Variants in NRG1 observed in about 807,000 individuals in gnomAD.
NRG1 encodes the protein pro-neuregulin-1, membrane-bound isoform.
NRG1 carries 18 observed loss-of-function variants against 63.8 expected under a neutral mutation model. The ratio of observed to expected loss-of-function variants is 0.28; its 90% CI spans 0.19 to 0.42. The LOEUF (loss-of-function observed/expected upper bound fraction) is 0.42. NRG1 is among the 10% of genes least tolerant of loss of function. NRG1 has a pLI of 1.00. For synonymous variants in NRG1, 302 were observed against 301.3 expected, an observed-to-expected ratio of 1.00 and a Z score of -0.02; for missense variants, 762 against 814.7, an observed-to-expected ratio of 0.94 and a Z score of 0.79.
chr8:32,684,033 A>G (rs771907917), intron 5 of NRG1, among the ~76,000 whole-genome samples: 3 of 152,128 alleles, frequency 2.0e-5, no homozygotes, highest in Admixed American at 6.6e-5. Flanking sequence ...CACCGCTACT[A>G]TAAATACAAA....
chr8:32,727,885 T>C, intron 5 of NRG1, 64 bp from the exon 6 acceptor site: 1 of 1,523,852 alleles, frequency 6.6e-7, no homozygotes, highest in Non-Finnish European at 9.0e-7. Context: ...AATTTAAGAT[T>C]AAAGGCTGCT....
intron 1 of NRG1, among the ~76,000 whole-genome samples, chr8:32,193,147 A>T (rs1181195617): frequency 6.6e-6 from 1 of 152,164 alleles, no homozygotes; most frequent in African/African-American, 2.4e-5. Flanking sequence ...GGAAGACAGG[A>T]CTAGTCATTT....
rs117259544 is a variant in NRG1 at position 31,682,902 on chromosome 8, T to C, written c.37+43471T>C. Among the ~76,000 whole-genome samples the C allele has an allele frequency of 3.1e-3, 479 of 152,302 alleles. 2 individuals carry two copies. The highest frequency in any genetic ancestry group is 0.021 in the South Asian group (102 of 4,826). ...AAGAAACAGAATTGGTGATAATGCT[T>C]ATCTCAGGGGAACCCCCACGCTTTT... is the stretch of plus-strand genomic sequence containing the variant. On this transcript the variant is annotated intron_variant, in intron 1 of 10. Coordinates refer to the NRG1 transcript ENST00000519301.
chr8:32,200,717 C>T (rs1457680502), intron 1 of NRG1, among the ~76,000 whole-genome samples: 1 of 152,184 alleles, frequency 6.6e-6, no homozygotes, highest in African/African-American at 2.4e-5. Flanking sequence ...TGCAGGCCTT[C>T]TAGAACTGGA....
In NRG1 at chr8:32,412,097, C is replaced by T. The variant is rs149245913; in HGVS notation, c.38-183731C>T. Among the ~76,000 whole-genome samples, 286 of 152,088 alleles carry T rather than the reference C, an allele frequency of 1.9e-3. 1 individual carries two copies. Among genetic ancestry groups the T allele is most frequent in the Middle Eastern group, 6.8e-3 (2 of 294 alleles). ...TCAGTGGACCTCATCCAATCAAGAC[C>T]GGAATAGAACAAAAAGGCTGAGTAA... is the stretch of plus-strand genomic sequence containing the variant. On this transcript the variant is annotated intron_variant, in intron 1 of 10. Coordinates refer to the NRG1 transcript ENST00000519301.
chr8:32,520,053 C>T (rs1249881682), intron 1 of NRG1, among the ~76,000 whole-genome samples: 1 of 152,174 alleles, frequency 6.6e-6, no homozygotes, highest in African/African-American at 2.4e-5. Flanking sequence ...AATAAAAACA[C>T]AGGCACTGTA....
intron 5 of NRG1, among the ~76,000 whole-genome samples, chr8:32,639,037 G>GA (rs372183260): frequency 6.6e-5 from 10 of 151,518 alleles, no homozygotes; most frequent in Non-Finnish European, 1.3e-4. Context: ...GCAACAAGGA[G>GA]AAAAAAAATG....
chr8:31,792,388 A>C (rs1381818777), intron 1 of NRG1, among the ~76,000 whole-genome samples: 2 of 152,242 alleles, frequency 1.3e-5, no homozygotes, highest in Non-Finnish European at 2.9e-5. Flanking sequence ...GGAGGGTTGA[A>C]TGACTTGTTT....
At chr8:32,169,500 C>A (rs1839776439) in intron 1 of NRG1, among the ~76,000 whole-genome samples, 1 of 152,114 alleles carries the variant, frequency 6.6e-6, no homozygotes, top group African/African-American at 2.4e-5. Flanking sequence ...ATCCAATAGG[C>A]TCAAGAATTC....
intron 5 of NRG1, among the ~76,000 whole-genome samples, chr8:32,653,134 TTTG>T (rs1855513449): frequency 7.7e-6 from 1 of 130,516 alleles, no homozygotes; most frequent in African/African-American, 2.6e-5. Flanking sequence ...TTTTTTTTTG[TTTG>T]TTTGTTTGTT....
intron 1 of NRG1, among the ~76,000 whole-genome samples, chr8:32,175,170 G>A (rs1414935079): frequency 6.6e-6 from 1 of 152,158 alleles, no homozygotes; most frequent in Admixed American, 6.5e-5. Flanking sequence ...TGCCAGGCTG[G>A]TTCAACATAC....
rs1803710186 is a variant in NRG1 at position 31,640,958 on chromosome 8, G to T, written c.37+1527G>T. 6.6e-6 allele frequency among the ~76,000 whole-genome samples: 1 copy of T among 152,232 alleles called. No homozygotes were observed. The highest frequency in any genetic ancestry group is 1.5e-5 in the Non-Finnish European group (1 of 68,040). The stretch of plus-strand genomic sequence containing the variant: ...GGAGAAAGCCCAAGTTTAGTCCTGG[G>T]TTGGGGCCTCCTGAAACTTTTTAAT... On this transcript the variant is annotated intron_variant, in intron 1 of 10. Transcript: ENST00000519301. The surrounding 1 kb of genome is among the most constrained non-coding windows in gnomAD (Gnocchi z 6.3).
chr8:32,605,748 G>T, intron 3 of NRG1, 65 bp downstream of exon 3: 1 of 1,555,564 alleles, frequency 6.4e-7, no homozygotes, highest in South Asian at 1.1e-5. Context: ...CATGTGGTAA[G>T]ACTCATAATA....
chr8:32,280,680 GTTTTTTTTTTGTTTTTTT>G (rs1441903134), intron 1 of NRG1, among the ~76,000 whole-genome samples: 2 of 53,722 alleles, frequency 3.7e-5, no homozygotes, highest in Admixed American at 2.5e-4. Context: ...ACTGAATTAG[GTTTTTTTTTTGTTTTTTT>G]TTTTTTTTTT....
intron 1 of NRG1, among the ~76,000 whole-genome samples, chr8:32,592,663 T>C (rs560797325): frequency 2.6e-5 from 4 of 152,074 alleles, no homozygotes; most frequent in African/African-American, 4.8e-5. Flanking sequence ...GATTTTATGA[T>C]AAAATGTTTA....
intron 1 of NRG1, among the ~76,000 whole-genome samples, chr8:31,641,367 T>G (rs1034300778): frequency 6.6e-6 from 1 of 152,020 alleles, no homozygotes; most frequent in Admixed American, 6.6e-5. Flanking sequence ...CTCAAGAAAT[T>G]TTGTTTTCAC....
At chr8:32,110,224 G>T (rs888245399) in intron 1 of NRG1, among the ~76,000 whole-genome samples, 9 of 152,116 alleles carry the variant, frequency 5.9e-5, no homozygotes, top group Non-Finnish European at 1.3e-4. Context: ...GAAAAAGAGA[G>T]AAATGATTGT....
At chr8:31,804,728 C>G (rs913034156) in intron 1 of NRG1, among the ~76,000 whole-genome samples, 1 of 152,108 alleles carries the variant, frequency 6.6e-6, no homozygotes, top group Non-Finnish European at 1.5e-5. Context: ...TTAAGGCCTG[C>G]CAAGCAATCG....
At chr8:31,921,100 T>C (rs1007572430) in intron 1 of NRG1, among the ~76,000 whole-genome samples, 1 of 152,156 alleles carries the variant, frequency 6.6e-6, no homozygotes, top group African/African-American at 2.4e-5. Context: ...TGGTACAAAA[T>C]TACAATATGC....
Sources: gnomAD v4.1 joint callset for allele counts (sites outside exome capture counted in the v4.1 genomes callset) on GRCh38, gnomAD v4.1.1 for gene constraint, Gnocchi (gnomAD v3.1) non-coding constraint, MANE v1.5 for transcripts, NCBI Gene and HGNC (gene_info 2026-07-23, HGNC 2026-07-21) for gene names.